ZBTB7A: variants seen among roughly 807,000 people sequenced by gnomAD.
ZBTB7A encodes the protein zinc finger and BTB domain-containing protein 7A.
In ZBTB7A, 7 loss-of-function variants were observed where a neutral mutation model predicts 26.7. The observed-to-expected ratio is 0.26, with a 90% CI of 0.15 to 0.49. The LOEUF (loss-of-function observed/expected upper bound fraction) is 0.49, where lower values mean the gene tolerates loss of function less well. ZBTB7A is among the 20% of genes least tolerant of loss of function. The pLI is 0.98. For missense variants in ZBTB7A, 617 were observed against 919.5 expected (o/e 0.67, Z 4.25); for synonymous variants, 452 against 441.0 (o/e 1.02, Z -0.31).
Position 4,054,031 on chromosome 19 carries a change from A to C in ZBTB7A, c.1202T>G (p.Ile401Ser). 1 of 1,612,154 alleles carries C rather than the reference A, an allele frequency of 6.2e-7. No individual in the cohort carries two copies. The highest frequency in any genetic ancestry group is 8.5e-7 in the Non-Finnish European group (1 of 1,179,788). The change falls in exon 2 of 3, where the codon ATC becomes AGC. Residue 401 changes from isoleucine to serine, a missense_variant. Physicochemically the swap from Ile to Ser is moderately radical, Grantham distance 142 (BLOSUM62 -2). Coordinates refer to ENST00000322357, the MANE Select transcript of ZBTB7A (RefSeq NM_015898.4). ...GGGCTTCTCGCCCGTGTGGGTGCGG[A>C]TGTGTCGCGGCAGCTTGCCGGCGCC... ...IQGAGKLPRHIRTHTGEKPYE... is the reference protein window; with the variant it reads ...IQGAGKLPRHSRTHTGEKPYE...
Position 4,043,554 on chromosome 19 carries a change from G to C in ZBTB7A, c.*4198C>G, listed in dbSNP as rs958166483. ...CTCTGTACCCTGAGGGCGCCGCCCC[G>C]CCCCCCATTCACCAGGCCTGGCCCC... is the stretch of plus-strand genomic sequence containing the variant. On this transcript the variant is annotated 3_prime_UTR_variant, in exon 3 of 3. Coordinates refer to ENST00000322357, the MANE Select transcript of ZBTB7A (RefSeq NM_015898.4). 3.4e-5 allele frequency among the ~76,000 whole-genome samples: 5 copies of C among 148,462 alleles called. No individual in the cohort carries two copies. The highest frequency in any genetic ancestry group is 1.3e-4 in the African/African-American group (5 of 39,936).
chr19:4,045,052 G>C lies in ZBTB7A; in HGVS notation c.*2700C>G, dbSNP rs2040397305. ...CGGGCGGGTAGTTAAGGCAAAGTGGGCGGGCAGGACAGGCGAAGCTGAGTG... is the reference window on the plus strand; with the variant it reads ...CGGGCGGGTAGTTAAGGCAAAGTGGCCGGGCAGGACAGGCGAAGCTGAGTG... On this transcript the variant is annotated 3_prime_UTR_variant, in exon 3 of 3. Coordinates refer to ENST00000322357, the MANE Select transcript of ZBTB7A (RefSeq NM_015898.4). This position sits in a 1 kb window ranked among gnomAD's most constrained non-coding sequence, Gnocchi z 4.1. 6.6e-6 allele frequency: 1 copy of C among 152,244 alleles called. No individual in the cohort carries two copies. Among genetic ancestry groups the C allele is most frequent in the Non-Finnish European group, 1.5e-5 (1 of 68,066 alleles). 9.4% of individuals were successfully genotyped at this position (152,244 alleles called of 1,614,324 possible).
rs937574237 is a variant in ZBTB7A, at chr19:4,047,886, C to CGTCCTT, written c.1615_1620dup (p.Lys539_Asp540dup). On this transcript the variant is annotated inframe_insertion, in exon 3 of 3. Coordinates refer to ENST00000322357, the MANE Select transcript of ZBTB7A (RefSeq NM_015898.4). ...CTGGCCACGTCCTCGTCCTCGTCCT[C>CGTCCTT]GTCCTTAAAGTGCTTCTCCTGGCCG... is the stretch of plus-strand genomic sequence containing the variant. 1.3e-6 allele frequency: 2 copies of CGTCCTT among 1,596,234 alleles called. No individual in the cohort carries two copies. The highest frequency in any genetic ancestry group is 1.4e-5 in the African/African-American group (1 of 73,498).
Position 4,052,660 on chromosome 19 carries a change from C to T in ZBTB7A, c.1262+1311G>A, listed in dbSNP as rs2144985424. On this transcript the variant is annotated intron_variant, in intron 2 of 2. Transcript: ENST00000322357. This position sits in a 1 kb window ranked among gnomAD's most constrained non-coding sequence, Gnocchi z 4.9. ...GGTGGTGCTGAGTCACCCAGCCTGGCCAGGTCCCTGCCTGCCAGCCCCCTG... is the reference window on the plus strand; with the variant it reads ...GGTGGTGCTGAGTCACCCAGCCTGGTCAGGTCCCTGCCTGCCAGCCCCCTG... Among the ~76,000 whole-genome samples, 1 of 152,236 alleles carries T rather than the reference C, an allele frequency of 6.6e-6. No individual in the cohort carries two copies. Among genetic ancestry groups the T allele is most frequent in the South Asian group, 2.1e-4 (1 of 4,824 alleles).
In ZBTB7A at chr19:4,048,260, G is replaced by A. The variant is rs1490072159; in HGVS notation, c.1263-16C>T. On this transcript the variant is annotated splice_polypyrimidine_tract_variant and intron_variant, in intron 2 of 2. Transcript: ENST00000322357. The surrounding 1 kb of genome is among the most constrained non-coding windows in gnomAD (Gnocchi z 6.7). Reference sequence around the variant, plus strand: ...CTTGTCCTGCCTGTGGACGGGGCACGGGGCGGGCACGGTCAGTGGGGCCGG... The same window carrying A: ...CTTGTCCTGCCTGTGGACGGGGCACAGGGCGGGCACGGTCAGTGGGGCCGG... 2 of 1,571,490 alleles carry A rather than the reference G, an allele frequency of 1.3e-6. No individual in the cohort carries two copies. The highest frequency in any genetic ancestry group is 1.8e-5 in the Admixed American group (1 of 55,040).
At chr19:4,051,595 G>A (rs1241911172) in intron 2 of ZBTB7A, among the ~76,000 whole-genome samples, 1 of 152,224 alleles carries the variant, frequency 6.6e-6, no homozygotes, top group Admixed American at 6.5e-5. Context: ...AACAGAACGT[G>A]GTAACTTGCT....
At chr19:4,058,233 G>A (rs377597966) in intron 1 of ZBTB7A, among the ~76,000 whole-genome samples, 16 of 152,174 alleles carry the variant, frequency 1.1e-4, no homozygotes, top group African/African-American at 3.4e-4. Context: ...GCAGGGAGCC[G>A]GGGGAACCCC....
At chr19:4,053,777 T>C (rs2040534191) in intron 2 of ZBTB7A, among the ~76,000 whole-genome samples, 194 bp downstream of exon 2, 1 of 151,164 alleles carries the variant, frequency 6.6e-6, no homozygotes. Flanking sequence ...TGCGTGTATG[T>C]GTGTCTGCGT....
chr19:4,063,886 T>C (rs1448108764), intron 1 of ZBTB7A, among the ~76,000 whole-genome samples: 1 of 152,210 alleles, frequency 6.6e-6, no homozygotes, highest in African/African-American at 2.4e-5. Context: ...CTCCGGAGTT[T>C]CCAGGCTCAC....
At chr19:4,062,593 A>G (rs1274637653) in intron 1 of ZBTB7A, 1 of 152,204 alleles carries the variant, frequency 6.6e-6, no homozygotes, top group Non-Finnish European at 1.5e-5. Flanking sequence ...TAGTCCTCCC[A>G]CGGCTCCTTC....
Position 4,054,558 on chromosome 19 carries a change from C to T in ZBTB7A, c.675G>A (p.Pro225=), listed in dbSNP as rs764144009. 6.8e-6 allele frequency: 10 copies of T among 1,480,012 alleles called. No individual in the cohort carries two copies. In the Admixed American group the frequency reaches 8.0e-5, roughly 12 times the overall value. 91.7% of individuals were successfully genotyped at this position (1,480,012 alleles called of 1,614,324 possible). A position where few individuals can be genotyped will look rare whatever the true frequency, so the allele number is the denominator to read the frequency against. ...NGLDFYGPGP[P]AERPPTGDGD... ...CGTCCCCCGTCGGGGGCCGCTCGGC[C>T]GGGGGGCCCGGCCCATAGAAGTCTA... Residue 225 remains proline, a synonymous_variant, in exon 2 of 3, where the codon CCG becomes CCA. Coordinates refer to ENST00000322357, the MANE Select transcript of ZBTB7A (RefSeq NM_015898.4).
chr19:4,054,440 C>T lies in ZBTB7A; in HGVS notation c.793G>A (p.Ala265Thr). 7.4e-7 allele frequency: 1 copy of T among 1,358,210 alleles called. No individual in the cohort carries two copies. The highest frequency in any genetic ancestry group is 3.9e-5 in the Admixed American group (1 of 25,424). The allele number at this position is 1,358,210 out of a possible 1,614,324, so 84.1% of individuals were successfully genotyped here. A position where few individuals can be genotyped will look rare whatever the true frequency, so the allele number is the denominator to read the frequency against. ...GLFPPPVAPP[A>T]ATQNGHYGRG... ...CCGTAGTGGCCGTTCTGCGTGGCGG[C>T]CGGCGGGGCCACCGGCGGCGGAAAG... Residue 265 changes from alanine (A) to threonine (T), a missense_variant, in exon 2 of 3, where the codon GCC (alanine) becomes ACC (threonine). Around this residue, in one of 5 missense-constraint regions of ZBTB7A, gnomAD observed 331 missense variants for 391.3 expected, o/e 0.85. Coordinates refer to ENST00000322357, the MANE Select transcript of ZBTB7A (RefSeq NM_015898.4).
chr19:4,048,679 A>T lies in ZBTB7A; in HGVS notation c.1263-435T>A, dbSNP rs1269095467. On this transcript the variant is annotated intron_variant, in intron 2 of 2. Coordinates refer to ENST00000322357, the MANE Select transcript of ZBTB7A (RefSeq NM_015898.4). This position sits in a 1 kb window ranked among gnomAD's most constrained non-coding sequence, Gnocchi z 6.7. ...AACCCTGTCTCTACTAAAAAAACAA[A>T]AAACAAAAAAACAAAAAACAAAAAT... Among the ~76,000 whole-genome samples the T allele has an allele frequency of 7.1e-6, 1 of 141,774 alleles. No homozygotes were observed. The highest frequency in any genetic ancestry group is 1.9e-4 in the East Asian group (1 of 5,168). The allele number at this position is 141,774 out of a possible 152,430, so 93.0% of individuals were successfully genotyped here.
At position 4,049,186 on chromosome 19, in the gene ZBTB7A, ATATATATATATATATATATATATGT is replaced by A. The variant is rs1280801272; in HGVS notation, c.1263-967_1263-943del. ...TGTGTGTGTATATATATATATATAT[ATATATATATATATATATATATATGT>A]AAGTTTGAGAGATGGGGGTTGAGCT... is the stretch of plus-strand genomic sequence containing the variant. On this transcript the variant is annotated intron_variant, in intron 2 of 2. Transcript: ENST00000322357. 5.1e-4 allele frequency among the ~76,000 whole-genome samples: 14 copies of A among 27,238 alleles called. 1 individual carries two copies. The highest frequency in any genetic ancestry group is 2.7e-3 in the Admixed American group (5 of 1,830). The allele number at this position is 27,238 out of a possible 152,430, so 17.9% of individuals were successfully genotyped here.
rs1187863965 is a variant in ZBTB7A at position 4,052,349 on chromosome 19, C to G, written c.1262+1622G>C. ...TGACCCCTGCCTGGAGGAAGAGGAGCCCCCCAAGACCTCCAGTACCCCAAC... is the reference window on the plus strand; with the variant it reads ...TGACCCCTGCCTGGAGGAAGAGGAGGCCCCCAAGACCTCCAGTACCCCAAC... On this transcript the variant is annotated intron_variant, in intron 2 of 2. Transcript: ENST00000322357. The surrounding 1 kb of genome is among the most constrained non-coding windows in gnomAD (Gnocchi z 4.9). 1.3e-5 allele frequency among the ~76,000 whole-genome samples: 2 copies of G among 152,124 alleles called. No homozygotes were observed. The highest frequency in any genetic ancestry group is 2.4e-5 in the African/African-American group (1 of 41,420).
intron 1 of ZBTB7A, among the ~76,000 whole-genome samples, chr19:4,064,622 A>T (rs1191939591): frequency 6.6e-6 from 1 of 152,144 alleles, no homozygotes; most frequent in Non-Finnish European, 1.5e-5. Flanking sequence ...GCTCAGGGTT[A>T]CGCCCTGGTC....
Position 4,047,925 on chromosome 19 carries a change from C to A in ZBTB7A, c.1582G>T (p.Asp528Tyr). 6.7e-7 allele frequency: 1 copy of A among 1,490,548 alleles called. No individual in the cohort carries two copies. The highest frequency in any genetic ancestry group is 9.0e-7 in the Non-Finnish European group (1 of 1,114,686). The allele number at this position is 1,490,548 out of a possible 1,614,324, so 92.3% of individuals were successfully genotyped here. A position where few individuals can be genotyped will look rare whatever the true frequency, so the allele number is the denominator to read the frequency against. ...TTCTCCTGGCCGTTGCGCCGGGCGT[C>A]GGGGGAGCTGGGCTGGGCGGGGGCG... ...PGAPAQPSSP[D>Y]ARRNGQEKHF... The change falls in exon 3 of 3, where the codon GAC (aspartate) becomes TAC (tyrosine). Residue 528 changes from aspartate (D) to tyrosine (Y), a missense_variant. Asp to Tyr is a radical substitution (Grantham distance 160). Around this residue, in one of 5 missense-constraint regions of ZBTB7A, gnomAD observed 136 missense variants for 126.6 expected, o/e 1.07. Coordinates refer to ENST00000322357, the MANE Select transcript of ZBTB7A (RefSeq NM_015898.4).
At chr19:4,063,448 G>A (rs1164345084) in intron 1 of ZBTB7A, among the ~76,000 whole-genome samples, 1 of 152,218 alleles carries the variant, frequency 6.6e-6, no homozygotes, top group Non-Finnish European at 1.5e-5. Context: ...AGACGAGTTT[G>A]TGGCTCGGCA....
rs1599242969 is a variant in ZBTB7A at position 4,044,747 on chromosome 19, A to G, written c.*3005T>C. 6.7e-6 allele frequency: 1 copy of G among 148,710 alleles called. No individual in the cohort carries two copies. The highest frequency in any genetic ancestry group is 2.5e-5 in the African/African-American group (1 of 40,556). The allele number at this position is 148,710 out of a possible 1,614,324, so 9.2% of individuals were successfully genotyped here. A position where few individuals can be genotyped will look rare whatever the true frequency, so the allele number is the denominator to read the frequency against. On this transcript the variant is annotated 3_prime_UTR_variant, in exon 3 of 3. Coordinates refer to ENST00000322357, the MANE Select transcript of ZBTB7A (RefSeq NM_015898.4). ...ACCCCAAAAAAAGAAAACACAAAAA[A>G]CCCCAAACAACCAAACAAAAAAGCT... is the stretch of plus-strand genomic sequence containing the variant.
Sources: gnomAD v4.1 joint callset for allele counts (sites outside exome capture counted in the v4.1 genomes callset) on GRCh38, gnomAD v4.1.1 for gene constraint, gnomAD v4.1.1 regional missense constraint, Gnocchi (gnomAD v3.1) non-coding constraint, MANE v1.5 for transcripts, NCBI Gene and HGNC (gene_info 2026-07-23, HGNC 2026-07-21) for gene names.